Variants in AKAP6 observed in about 807,000 individuals in gnomAD.
AKAP6 encodes the protein A-kinase anchor protein 6.
AKAP6 carries 58 observed loss-of-function variants against 188.5 expected under a neutral mutation model. That is an observed-to-expected ratio of 0.31 (90% CI 0.25 to 0.38). The LOEUF (loss-of-function observed/expected upper bound fraction) is 0.38, where lower values mean the gene tolerates loss of function less well. Among genes scored for constraint, AKAP6 ranks in the 10% least tolerant of loss-of-function variants. AKAP6 has a pLI of 1.00. For synonymous variants in AKAP6, 989 were observed against 998.6 expected (o/e 0.99, Z 0.18); for missense variants, 2,710 against 2,740.0 (o/e 0.99, Z 0.24).
intron 12 of AKAP6, among the ~76,000 whole-genome samples, chr14:32,791,325 T>C (rs2033602325): frequency 1.3e-5 from 2 of 152,226 alleles, no homozygotes; most frequent in Admixed American, 6.5e-5. Flanking sequence ...AGTCATGAGA[T>C]GGTATCTCAT....
intron 11 of AKAP6, among the ~76,000 whole-genome samples, chr14:32,767,326 A>T (rs1447108621): frequency 6.6e-6 from 1 of 151,692 alleles, no homozygotes; most frequent in East Asian, 1.9e-4. Context: ...AACGAAAATA[A>T]CTCCCAAGCC....
chr14:32,536,872 G>A (rs899902924), intron 3 of AKAP6, among the ~76,000 whole-genome samples: 2 of 152,172 alleles, frequency 1.3e-5, no homozygotes, highest in African/African-American at 2.4e-5. Flanking sequence ...TACGTTGCAT[G>A]TAGGGAGTGG....
At chr14:32,464,166 C>T (rs113605844) in intron 2 of AKAP6, among the ~76,000 whole-genome samples, 7,815 of 152,212 alleles carry the variant, frequency 0.051, 204 homozygotes, top group Middle Eastern at 0.092. Flanking sequence ...ACCAGCAGTA[C>T]AAAGAGGAGC....
At chr14:32,699,534 T>A (rs1234693430) in intron 9 of AKAP6, among the ~76,000 whole-genome samples, 1 of 152,212 alleles carries the variant, frequency 6.6e-6, no homozygotes, top group Non-Finnish European at 1.5e-5. Flanking sequence ...TAAACTGCAG[T>A]CTCAAGAGCA....
chr14:32,835,254 G>A lies in AKAP6; in HGVS notation c.*5449G>A, dbSNP rs2143976. On this transcript the variant is annotated 3_prime_UTR_variant, in exon 14 of 14. Coordinates refer to ENST00000280979, the MANE Select transcript of AKAP6 (RefSeq NM_004274.5). ...AAATTCAGTGTAAGACATAAACACC[G>A]GCAATAGTTGTGTTTTTTTTTTCTT... The A allele has an allele frequency of 2.6e-5, 4 of 151,912 alleles. No homozygotes were observed. The highest frequency in any genetic ancestry group is 7.3e-5 in the African/African-American group (3 of 41,342). 9.4% of individuals were successfully genotyped at this position (151,912 alleles called of 1,614,324 possible).
intron 8 of AKAP6, among the ~76,000 whole-genome samples, chr14:32,694,826 G>C (rs10137324): frequency 6.6e-6 from 1 of 151,970 alleles, no homozygotes; most frequent in Admixed American, 6.5e-5. Context: ...GAAAGCAGTC[G>C]TTTAATGTAC....
intron 12 of AKAP6, among the ~76,000 whole-genome samples, chr14:32,808,759 T>C (rs1358152465): frequency 6.6e-6 from 1 of 151,954 alleles, no homozygotes; most frequent in African/African-American, 2.4e-5. Context: ...TGTTTCTCTT[T>C]ATCTATATGA....
intron 12 of AKAP6, among the ~76,000 whole-genome samples, chr14:32,780,745 A>G (rs1403148721): frequency 1.3e-5 from 2 of 152,188 alleles, no homozygotes; most frequent in Admixed American, 1.3e-4. Flanking sequence ...CCTGAGCAAT[A>G]TATCGAGACT....
At chr14:32,701,972 G>T (rs1056269630) in intron 9 of AKAP6, among the ~76,000 whole-genome samples, 33 of 152,088 alleles carry the variant, frequency 2.2e-4, no homozygotes, top group Non-Finnish European at 1.2e-4. Flanking sequence ...ATTAAATTCT[G>T]TTAATTAGGC....
intron 1 of AKAP6, among the ~76,000 whole-genome samples, chr14:32,336,834 A>T (rs912492740): frequency 6.6e-6 from 1 of 152,144 alleles, no homozygotes; most frequent in South Asian, 2.1e-4. Flanking sequence ...ACCTTCTGGG[A>T]CTGTTCTGAA....
intron 9 of AKAP6, 68 bp downstream of exon 9, chr14:32,696,178 C>A: frequency 1.3e-6 from 2 of 1,533,500 alleles, no homozygotes; most frequent in Non-Finnish European, 1.7e-6. Context: ...GTCTCTCTCT[C>A]TCTCTCAGGA....
chr14:32,578,744 G>C (rs537376188), intron 5 of AKAP6, among the ~76,000 whole-genome samples: 1 of 151,648 alleles, frequency 6.6e-6, no homozygotes, highest in South Asian at 2.1e-4. Context: ...GTCCCAGAGG[G>C]CACAAGGGCA....
In AKAP6 at chr14:32,573,147, G is replaced by A. The variant is rs1416202822; in HGVS notation, c.2347-3973G>A. 7.2e-5 allele frequency among the ~76,000 whole-genome samples: 11 copies of A among 152,304 alleles called. No individual in the cohort carries two copies. The East Asian group carries it at 2.1e-3, about 29-fold the overall frequency. On this transcript the variant is annotated intron_variant, in intron 4 of 13. Transcript: ENST00000280979. ...AGAAGCAGCAGAAAGGGACAATAAG[G>A]ACACTGGTAGAAAATAACAGGAAAG...
intron 9 of AKAP6, among the ~76,000 whole-genome samples, chr14:32,731,496 A>G (rs577226006): frequency 1.3e-5 from 2 of 152,252 alleles, no homozygotes; most frequent in South Asian, 4.1e-4. Context: ...AGAACAAAAT[A>G]CTACCATGGA....
chr14:32,425,411 G>A (rs771664617), intron 1 of AKAP6, among the ~76,000 whole-genome samples: 8 of 152,054 alleles, frequency 5.3e-5, no homozygotes, highest in Non-Finnish European at 1.0e-4. Flanking sequence ...GCAACATGGT[G>A]ACACCCTGTC....
chr14:32,344,790 C>T (rs10133556), intron 1 of AKAP6, among the ~76,000 whole-genome samples: 9,187 of 151,938 alleles, frequency 0.06, 889 homozygotes, highest in African/African-American at 0.2. Context: ...GTGGCATACC[C>T]CTGTAATCCC....
chr14:32,829,663 T>G (rs932056089), intron 13 of AKAP6, among the ~76,000 whole-genome samples, 185 bp from the exon 14 acceptor site: 8 of 152,120 alleles, frequency 5.3e-5, no homozygotes, highest in Non-Finnish European at 8.8e-5. Context: ...ACGCTGAGAC[T>G]TTTTTTGTCA....
chr14:32,507,538 G>A (rs1880940183), intron 2 of AKAP6, among the ~76,000 whole-genome samples: 1 of 132,698 alleles, frequency 7.5e-6, no homozygotes. Context: ...GCACATTGTG[G>A]TGGTTTTTTT....
At chr14:32,501,389 T>A (rs2138984621) in intron 2 of AKAP6, among the ~76,000 whole-genome samples, 1 of 152,186 alleles carries the variant, frequency 6.6e-6, no homozygotes, top group Non-Finnish European at 1.5e-5. Context: ...TCCTCGATCT[T>A]CAGAATCCAG....
Sources: allele counts gnomAD v4.1 joint callset (sites outside exome capture counted in the v4.1 genomes callset), GRCh38; gene constraint gnomAD v4.1.1; transcripts MANE v1.5; gene names NCBI Gene and HGNC (gene_info 2026-07-23, HGNC 2026-07-21).